PRKCB: variants seen among roughly 807,000 people sequenced by gnomAD.
PRKCB encodes protein kinase C beta.
In PRKCB, 13 loss-of-function variants were observed where a neutral mutation model predicts 81.5. The ratio of observed to expected loss-of-function variants is 0.16; its 90% CI spans 0.10 to 0.25. The LOEUF is 0.25. Ranked by LOEUF, PRKCB falls within the 10% of genes least tolerant of loss-of-function variation. PRKCB has a pLI of 1.00. For missense variants in PRKCB, 509 were observed against 875.7 expected (o/e 0.58, Z 5.29); for synonymous variants, 335 against 321.4 (o/e 1.04, Z -0.45).
At position 24,026,089 on chromosome 16, in the gene PRKCB, G is replaced by A. The variant is rs529787505; in HGVS notation, c.289-6047G>A. The stretch of plus-strand genomic sequence containing the variant: ...AGGCAGGCAGATCACTTGAGCCCAG[G>A]AGTTTGAGACCAGCCTGGGCAACAT... On this transcript the variant is annotated intron_variant, in intron 3 of 16. Coordinates refer to ENST00000643927, the MANE Select transcript of PRKCB (RefSeq NM_002738.7). Among the ~76,000 whole-genome samples, 54 of 152,264 alleles carry A rather than the reference G, an allele frequency of 3.5e-4. 1 individual carries two copies. Among genetic ancestry groups the A allele is most frequent in the African/African-American group, 1.3e-3 (53 of 41,556 alleles).
At chr16:23,919,895 C>A (rs1044496185) in intron 2 of PRKCB, among the ~76,000 whole-genome samples, 5 of 152,156 alleles carry the variant, frequency 3.3e-5, no homozygotes, top group Non-Finnish European at 7.3e-5. Context: ...TTTATCCATT[C>A]ATTTGTCAAT....
At chr16:24,196,593 AGT>A (rs1013159788) in intron 16 of PRKCB, among the ~76,000 whole-genome samples, 5 of 152,140 alleles carry the variant, frequency 3.3e-5, no homozygotes, top group African/African-American at 1.2e-4. Flanking sequence ...AGCCCTGCAG[AGT>A]GTCTTAAATT....
intron 13 of PRKCB, among the ~76,000 whole-genome samples, chr16:24,181,771 CAAAA>C (rs71154286): frequency 4.1e-4 from 10 of 24,568 alleles, no homozygotes; most frequent in Admixed American, 6.2e-4. Flanking sequence ...GACCCTGTCT[CAAAA>C]AAAAAAAAAA....
intron 2 of PRKCB, among the ~76,000 whole-genome samples, chr16:23,908,676 C>A (rs1424996609): frequency 7.7e-6 from 1 of 130,148 alleles, no homozygotes; most frequent in African/African-American, 3.0e-5. Context: ...CAGGTGCCCA[C>A]CACCGTGCCC....
At chr16:24,210,394 G>T (rs76188530) in intron 16 of PRKCB, among the ~76,000 whole-genome samples, 3 of 151,820 alleles carry the variant, frequency 2.0e-5, no homozygotes, top group African/African-American at 7.3e-5. Flanking sequence ...CTTTCCTCCC[G>T]ACATCCAAAG....
intron 2 of PRKCB, among the ~76,000 whole-genome samples, chr16:23,918,598 T>C (rs1372263016): frequency 2.6e-5 from 4 of 152,076 alleles, no homozygotes; most frequent in African/African-American, 7.2e-5. Flanking sequence ...GGTCTTGCCA[T>C]GTTGGCCAGG....
At chr16:24,209,950 C>A (rs1401129586) in intron 16 of PRKCB, among the ~76,000 whole-genome samples, 6 of 149,952 alleles carry the variant, frequency 4.0e-5, no homozygotes, top group Non-Finnish European at 8.9e-5. Flanking sequence ...CACCCTGTGT[C>A]TACAAAAAAA....
Position 24,154,833 on chromosome 16 carries a change from G to C in PRKCB, c.1215G>C (p.Gln405His), listed in dbSNP as rs1256893339. 15 of 1,613,868 alleles carry C rather than the reference G, an allele frequency of 9.3e-6. No individual in the cohort carries two copies. The highest frequency in any genetic ancestry group is 6.7e-5 in the East Asian group (3 of 44,878). Residue 405 changes from glutamine to histidine, a missense_variant, in exon 10 of 17, where the codon CAG (glutamine) becomes CAC (histidine). By Grantham distance (24) the Gln-to-His change is conservative (BLOSUM62 0). Transcript: ENST00000643927. ...ALPGKPPFLT[Q>H]LHSCFQTMDR... ...CTGGGAAGCCGCCCTTCCTGACCCA[G>C]CTCCACTCCTGCTTCCAGACCATGG...
intron 2 of PRKCB, among the ~76,000 whole-genome samples, chr16:23,903,245 G>C (rs1158001502): frequency 2.8e-5 from 4 of 145,382 alleles, no homozygotes; most frequent in Non-Finnish European, 6.0e-5. Flanking sequence ...AGTAGGATCC[G>C]GAAGGGAACT....
At chr16:24,127,074 C>T (rs1016351596) in intron 9 of PRKCB, among the ~76,000 whole-genome samples, 1 of 147,716 alleles carries the variant, frequency 6.8e-6, no homozygotes, top group African/African-American at 2.5e-5. Flanking sequence ...GGCACAATCT[C>T]AGCTCACCGC....
At chr16:24,202,023 G>A (rs1330129279) in intron 16 of PRKCB, among the ~76,000 whole-genome samples, 2 of 145,692 alleles carry the variant, frequency 1.4e-5, no homozygotes, top group Non-Finnish European at 1.5e-5. Flanking sequence ...GCAAAAGAGC[G>A]AGACTCCGTC....
intron 3 of PRKCB, among the ~76,000 whole-genome samples, chr16:23,996,941 T>G (rs1025960223): frequency 7.9e-5 from 12 of 152,152 alleles, no homozygotes; most frequent in Non-Finnish European, 1.5e-4. Flanking sequence ...AGCCAGAAAT[T>G]TATGGATCTG....
In PRKCB at chr16:23,860,608, G is replaced by A. The variant is rs149425398; in HGVS notation, c.205+23202G>A. The stretch of plus-strand genomic sequence containing the variant: ...TTTAAAAGAAATTCTCTTGTAGGCC[G>A]CGTGTGGTGGCTCACACCTGTAATC... On this transcript the variant is annotated intron_variant, in intron 2 of 16. Coordinates refer to ENST00000643927, the MANE Select transcript of PRKCB (RefSeq NM_002738.7). Among the ~76,000 whole-genome samples the A allele has an allele frequency of 4.6e-4, 70 of 152,152 alleles. No homozygotes were observed. In the East Asian group the frequency reaches 7.7e-3, roughly 17 times the overall value.
intron 2 of PRKCB, among the ~76,000 whole-genome samples, chr16:23,903,258 AGTGTGTGTGTGT>A (rs3073125): frequency 2.0e-5 from 3 of 147,312 alleles, no homozygotes; most frequent in African/African-American, 5.0e-5. Flanking sequence ...AGGGAACTTA[AGTGTGTGTGTGT>A]GTGTGTGTGT....
chr16:23,847,098 A>G (rs979015686), intron 2 of PRKCB, among the ~76,000 whole-genome samples: 5 of 152,120 alleles, frequency 3.3e-5, no homozygotes, highest in African/African-American at 1.2e-4. Context: ...GATTCAAGAT[A>G]TGCAACACCA....
intron 5 of PRKCB, among the ~76,000 whole-genome samples, chr16:24,063,661 G>C (rs28626170): frequency 6.6e-6 from 1 of 152,054 alleles, no homozygotes; most frequent in Non-Finnish European, 1.5e-5. Context: ...TGCAGCATGC[G>C]CTTAGGGAAC....
chr16:23,905,167 G>A (rs1295141871), intron 2 of PRKCB, among the ~76,000 whole-genome samples: 2 of 151,928 alleles, frequency 1.3e-5, no homozygotes, highest in African/African-American at 4.8e-5. Context: ...GTGGCCGCAG[G>A]GCTGCCAGGC....
At chr16:24,155,926 A>G (rs1967149359) in intron 10 of PRKCB, among the ~76,000 whole-genome samples, 1 of 151,972 alleles carries the variant, frequency 6.6e-6, no homozygotes, top group Non-Finnish European at 1.5e-5. Context: ...GCTTGGTCAG[A>G]CTCAGCTAGG....
intron 2 of PRKCB, among the ~76,000 whole-genome samples, chr16:23,966,536 T>C (rs1312830596): frequency 3.3e-5 from 5 of 152,214 alleles, no homozygotes; most frequent in Admixed American, 6.5e-5. Flanking sequence ...AGCTTTTCTA[T>C]AAGTGATTAT....
Sources: gnomAD v4.1 joint callset for allele counts (sites outside exome capture counted in the v4.1 genomes callset) on GRCh38, gnomAD v4.1.1 for gene constraint, MANE v1.5 for transcripts, NCBI Gene and HGNC (gene_info 2026-07-23, HGNC 2026-07-21) for gene names.